ABHD12B: variants seen among roughly 807,000 people sequenced by gnomAD.
ABHD12B encodes protein ABHD12B.
A neutral mutation model predicts 50.4 loss-of-function variants in ABHD12B; 42 were observed. That is an observed-to-expected ratio of 0.83 (90% confidence interval 0.65 to 1.08). ABHD12B has a LOEUF of 1.08. Ranked by LOEUF, ABHD12B falls within the 50% of genes least tolerant of loss-of-function variation. The pLI, the probability that ABHD12B is intolerant of heterozygous loss-of-function variation, is 0.00. For missense variants in ABHD12B, 479 were observed against 447.7 expected (o/e 1.07, Z -0.63); for synonymous variants, 167 against 160.3 (o/e 1.04, Z -0.32).
At chr14:50,900,942 G>C (rs116622644) in intron 9 of ABHD12B, among the ~76,000 whole-genome samples, 2,385 of 152,278 alleles carry the variant, frequency 0.016, 64 homozygotes, top group African/African-American at 0.054. Flanking sequence ...AATCATTCTG[G>C]TTTTCCTGTG....
At chr14:50,894,636 A>G (rs1414982938) in intron 9 of ABHD12B, among the ~76,000 whole-genome samples, 1 of 152,062 alleles carries the variant, frequency 6.6e-6, no homozygotes, top group Non-Finnish European at 1.5e-5. Flanking sequence ...CCATCCTGCA[A>G]GATCTAAATA....
intron 9 of ABHD12B, among the ~76,000 whole-genome samples, chr14:50,894,436 C>A (rs1356063757): frequency 6.6e-6 from 1 of 151,858 alleles, no homozygotes; most frequent in Non-Finnish European, 1.5e-5. Flanking sequence ...TTGCCTCCTT[C>A]ACTATGGGCA....
intron 8 of ABHD12B, among the ~76,000 whole-genome samples, chr14:50,887,211 C>CATAAAAAAA: frequency 2.3e-5 from 1 of 43,626 alleles, no homozygotes; most frequent in Non-Finnish European, 3.7e-5. Context: ...GAGTCTGTCT[C>CATAAAAAAA]AAAAAAAAAA....
At chr14:50,894,166 A>G (rs539938900) in intron 9 of ABHD12B, among the ~76,000 whole-genome samples, 3 of 137,324 alleles carry the variant, frequency 2.2e-5, no homozygotes, top group Admixed American at 1.4e-4. Flanking sequence ...GTACCCCTCA[A>G]CCCCTTCTCC....
At chr14:50,875,890 A>G (rs1566482575) in intron 1 of ABHD12B, among the ~76,000 whole-genome samples, 2 of 152,224 alleles carry the variant, frequency 1.3e-5, no homozygotes, top group South Asian at 2.1e-4. Flanking sequence ...GACCTTCAAA[A>G]CATAGCTTAG....
At chr14:50,886,537 A>T in intron 7 of ABHD12B, 110 bp from the exon 8 acceptor site, 1 of 972,906 alleles carries the variant, frequency 1.0e-6, no homozygotes, top group Non-Finnish European at 1.6e-6. Flanking sequence ...TTGTGTCTAT[A>T]TGCATTTTTC....
In ABHD12B at chr14:50,872,178, G is replaced by A. The variant is rs2049793547; in HGVS notation, c.4G>A (p.Asp2Asn). 2 of 1,342,668 alleles carry A rather than the reference G, an allele frequency of 1.5e-6. No homozygotes were observed. Among genetic ancestry groups the A allele is most frequent in the South Asian group, 1.8e-5 (1 of 55,544 alleles). 83.2% of individuals were successfully genotyped at this position (1,342,668 alleles called of 1,614,324 possible). ...GCGTATCGGGACACGGCGCGGGATG[G>A]ACGCGCAGGACTGCCAGGCGGCCGC... M[D>N]AQDCQAAASP... The change falls in exon 1 of 13, where the codon GAC becomes AAC. Residue 2 changes from aspartate to asparagine, a missense_variant. Physicochemically the swap from Asp to Asn is conservative, Grantham distance 23 (BLOSUM62 1). Coordinates refer to ENST00000337334, the MANE Select transcript of ABHD12B (RefSeq NM_001206673.2).
chr14:50,872,329 G>C lies in ABHD12B; in HGVS notation c.104+51G>C. 1.7e-6 allele frequency: 2 copies of C among 1,207,882 alleles called. 1 individual carries two copies. Among genetic ancestry groups the C allele is most frequent in the East Asian group, 6.5e-5 (2 of 30,822 alleles). 74.8% of individuals were successfully genotyped at this position (1,207,882 alleles called of 1,614,324 possible). A position where few individuals can be genotyped will look rare whatever the true frequency, so the allele number is the denominator to read the frequency against. On this transcript the variant is annotated intron_variant, in intron 1 of 12. Transcript: ENST00000337334. ...GCCGGGCCCCGACGGCTCAGGCTGC[G>C]CGGGGATGGGGCAGGGGGCCAGGGC... is the stretch of plus-strand genomic sequence containing the variant.
At chr14:50,872,365 C>T in intron 1 of ABHD12B, 87 bp downstream of exon 1, 1 of 955,082 alleles carries the variant, frequency 1.0e-6, no homozygotes, top group Non-Finnish European at 1.4e-6. Flanking sequence ...GCGGCCGAGG[C>T]CGCAATCCCC....
chr14:50,900,385 A>T (rs1371329636), intron 9 of ABHD12B, among the ~76,000 whole-genome samples: 1 of 152,266 alleles, frequency 6.6e-6, no homozygotes, highest in African/African-American at 2.4e-5. Context: ...AGTGTCTATT[A>T]TGTACCAGGA....
Position 50,903,424 on chromosome 14 carries a change from A to G in ABHD12B, c.899A>G (p.His300Arg), listed in dbSNP as rs139323659. 2.0e-4 allele frequency: 324 copies of G among 1,612,554 alleles called. No individual in the cohort carries two copies. In the African/African-American group the frequency reaches 3.2e-3, roughly 16 times the overall value. Residue 300 changes from histidine to arginine, a missense_variant, in exon 11 of 13, where the codon CAT becomes CGT. His to Arg is a conservative substitution (Grantham distance 29, BLOSUM62 0). Coordinates refer to ENST00000337334, the MANE Select transcript of ABHD12B (RefSeq NM_001206673.2). ...KFLSSPLLIL[H>R]GEDDRTVPLE... Reference sequence around the variant, plus strand: ...CTTTCTTCTCCTCTTCTCATCTTACATGGAGAGGATGACAGGACAGTGCCT... The same window carrying G: ...CTTTCTTCTCCTCTTCTCATCTTACGTGGAGAGGATGACAGGACAGTGCCT...
chr14:50,888,514 T>C (rs1389713220), intron 8 of ABHD12B, among the ~76,000 whole-genome samples: 1 of 152,284 alleles, frequency 6.6e-6, no homozygotes, highest in Non-Finnish European at 1.5e-5. Flanking sequence ...GCTTTCTTGT[T>C]GTCCAAGCCA....
At chr14:50,879,063 G>A (rs2049902451) in intron 3 of ABHD12B, among the ~76,000 whole-genome samples, 1 of 152,108 alleles carries the variant, frequency 6.6e-6, no homozygotes, top group Non-Finnish European at 1.5e-5. Flanking sequence ...CTTGGCTTCT[G>A]GCCTCACCCA....
At chr14:50,892,577 T>G (rs951308591) in intron 9 of ABHD12B, 2 of 985,434 alleles carry the variant, frequency 2.0e-6, no homozygotes, top group East Asian at 1.1e-4. Flanking sequence ...GTTAATTAAT[T>G]TTGTCAGTCT....
At chr14:50,884,130 T>C (rs535162556) in intron 5 of ABHD12B, among the ~76,000 whole-genome samples, 9 of 152,380 alleles carry the variant, frequency 5.9e-5, no homozygotes, top group Admixed American at 2.6e-4. Context: ...ATATAAGATT[T>C]TTCCTCCCTG....
At chr14:50,877,694 C>G (rs1378117548) in intron 1 of ABHD12B, among the ~76,000 whole-genome samples, 1 of 152,102 alleles carries the variant, frequency 6.6e-6, no homozygotes, top group East Asian at 1.9e-4. Flanking sequence ...TGGTGAAACC[C>G]TGTCTCTACT....
chr14:50,895,692 GC>G (rs1198391108), intron 9 of ABHD12B: 1 of 151,904 alleles, frequency 6.6e-6, no homozygotes, highest in African/African-American at 2.4e-5. Flanking sequence ...CATCACAGAC[GC>G]CGAGCTTCCG....
chr14:50,884,387 G>C (rs1476716331), intron 5 of ABHD12B, among the ~76,000 whole-genome samples: 1 of 152,168 alleles, frequency 6.6e-6, no homozygotes, highest in East Asian at 1.9e-4. Flanking sequence ...GGTATATTTA[G>C]CTCCTTGTTA....
At chr14:50,875,338 A>G (rs921587171) in intron 1 of ABHD12B, among the ~76,000 whole-genome samples, 4 of 152,248 alleles carry the variant, frequency 2.6e-5, no homozygotes, top group African/African-American at 9.6e-5. Flanking sequence ...GAATTGGCAC[A>G]CAGGTTGAAG....
Sources: allele counts gnomAD v4.1 joint callset (sites outside exome capture counted in the v4.1 genomes callset), GRCh38; gene constraint gnomAD v4.1.1; transcripts MANE v1.5; gene names NCBI Gene and HGNC (gene_info 2026-07-23, HGNC 2026-07-21).